Variants in TRABD2B observed in about 807,000 individuals in gnomAD.
The protein encoded by TRABD2B is TraB domain containing 2B.
TRABD2B carries 14 observed loss-of-function variants against 40.1 expected under a neutral mutation model. That is an observed-to-expected ratio of 0.35 (90% CI 0.23 to 0.55). TRABD2B has a LOEUF of 0.55. TRABD2B is among the 20% of genes least tolerant of loss of function. TRABD2B has a pLI of 0.90. For synonymous variants in TRABD2B, 263 were observed against 277.0 expected, an observed-to-expected ratio of 0.95 and a Z score of 0.50; for missense variants, 541 against 648.6, an observed-to-expected ratio of 0.83 and a Z score of 1.80.
intron 5 of TRABD2B, among the ~76,000 whole-genome samples, chr1:47,776,673 G>A (rs1644451721): frequency 6.6e-6 from 1 of 152,202 alleles, no homozygotes; most frequent in Non-Finnish European, 1.5e-5. Context: ...GGTTGGGAAT[G>A]GTTTCAGGAA....
At position 47,867,725 on chromosome 1, in the gene TRABD2B, T is replaced by C. The variant is rs150315434; in HGVS notation, c.667-66106A>G. The stretch of plus-strand genomic sequence containing the variant: ...CGTCCTTTATGAGAAAAAAAAATGA[T>C]GCACTCACTAATCTCTTCATTCACT... On this transcript the variant is annotated intron_variant, in intron 2 of 6. Coordinates refer to ENST00000606738, the MANE Select transcript of TRABD2B (RefSeq NM_001194986.2). Among the ~76,000 whole-genome samples the C allele has an allele frequency of 1.7e-4, 26 of 152,250 alleles. 1 individual carries two copies. Among genetic ancestry groups the C allele is most frequent in the Middle Eastern group, 3.4e-3 (1 of 294 alleles).
At chr1:47,951,973 C>T (rs777020796) in intron 2 of TRABD2B, among the ~76,000 whole-genome samples, 5 of 152,212 alleles carry the variant, frequency 3.3e-5, no homozygotes, top group South Asian at 2.1e-4. Flanking sequence ...TTGCCTGATC[C>T]CATAGGAGCT....
At chr1:47,940,716 G>A (rs939823981) in intron 2 of TRABD2B, among the ~76,000 whole-genome samples, 4 of 152,178 alleles carry the variant, frequency 2.6e-5, no homozygotes, top group African/African-American at 7.2e-5. Flanking sequence ...ATCCAGCTTC[G>A]ACCTGAGTCA....
intron 3 of TRABD2B, among the ~76,000 whole-genome samples, chr1:47,796,760 G>A (rs1644754071): frequency 6.6e-6 from 1 of 152,194 alleles, no homozygotes; most frequent in Non-Finnish European, 1.5e-5. Context: ...CCCAATCAGA[G>A]TTGGCAATGG....
At chr1:47,859,785 C>T (rs76746149) in intron 2 of TRABD2B, among the ~76,000 whole-genome samples, 3,591 of 152,302 alleles carry the variant, frequency 0.024, 113 homozygotes, top group Admixed American at 0.094. Flanking sequence ...TAGCACCTTC[C>T]AGCCTTGGCA....
At chr1:47,848,258 T>C (rs1158743643) in intron 2 of TRABD2B, among the ~76,000 whole-genome samples, 1 of 152,204 alleles carries the variant, frequency 6.6e-6, no homozygotes, top group East Asian at 1.9e-4. Context: ...ACCCCCAATT[T>C]TAGGTGTGAT....
chr1:47,959,648 C>A (rs1444957955), intron 2 of TRABD2B, among the ~76,000 whole-genome samples: 1 of 152,120 alleles, frequency 6.6e-6, no homozygotes, highest in Non-Finnish European at 1.5e-5. Flanking sequence ...TACACCCTCC[C>A]AAGACTAAAC....
chr1:47,853,812 C>T (rs1300676772), intron 2 of TRABD2B, among the ~76,000 whole-genome samples: 1 of 152,232 alleles, frequency 6.6e-6, no homozygotes, highest in Non-Finnish European at 1.5e-5. Flanking sequence ...AGACTTCTAA[C>T]TGGGGTCTCT....
At chr1:47,847,260 C>A (rs1645484763) in intron 2 of TRABD2B, among the ~76,000 whole-genome samples, 1 of 152,118 alleles carries the variant, frequency 6.6e-6, no homozygotes, top group Non-Finnish European at 1.5e-5. Flanking sequence ...GTAAAATGGA[C>A]TTATCTTCCA....
chr1:47,926,098 G>A (rs929948514), intron 2 of TRABD2B, among the ~76,000 whole-genome samples: 1 of 152,208 alleles, frequency 6.6e-6, no homozygotes, highest in African/African-American at 2.4e-5. Context: ...ACAGTATCAA[G>A]TGACTTTGCT....
At chr1:47,768,118 A>C (rs1644329612) in intron 6 of TRABD2B, among the ~76,000 whole-genome samples, 2 of 152,164 alleles carry the variant, frequency 1.3e-5, no homozygotes, top group Non-Finnish European at 2.9e-5. Flanking sequence ...TCACTGCCCC[A>C]TCCCTCTCTC....
chr1:47,953,013 G>C (rs1229681672), intron 2 of TRABD2B, among the ~76,000 whole-genome samples: 1 of 152,196 alleles, frequency 6.6e-6, no homozygotes, highest in Non-Finnish European at 1.5e-5. Flanking sequence ...CTGGCCCCAG[G>C]TTCTGGTCCA....
At chr1:47,979,237 T>C (rs569378518) in intron 2 of TRABD2B, among the ~76,000 whole-genome samples, 1 of 152,154 alleles carries the variant, frequency 6.6e-6, no homozygotes, top group Non-Finnish European at 1.5e-5. Flanking sequence ...GGCGATGATG[T>C]GTAGACATGG....
At chr1:47,847,869 C>A (rs1397666084) in intron 2 of TRABD2B, among the ~76,000 whole-genome samples, 1 of 152,168 alleles carries the variant, frequency 6.6e-6, no homozygotes, top group Non-Finnish European at 1.5e-5. Flanking sequence ...GCTTTGATAG[C>A]GCCTCATTAC....
chr1:47,775,061 T>G, intron 6 of TRABD2B, 109 bp downstream of exon 6: 1 of 1,108,334 alleles, frequency 9.0e-7, no homozygotes, highest in Non-Finnish European at 1.1e-6. Context: ...CACACTTCCT[T>G]AGAGCAGGGC....
rs544926486 is a variant in TRABD2B at position 47,777,064 on chromosome 1, G to A, written c.1079+1390C>T. 1.3e-3 allele frequency among the ~76,000 whole-genome samples: 197 copies of A among 152,282 alleles called. 1 individual carries two copies. Among genetic ancestry groups the A allele is most frequent in the African/African-American group, 4.4e-3 (184 of 41,544 alleles). ...GAGAGTCCTTGGAGCAGAGCCCATG[G>A]GGGAGCTGTGGAGGGCCCCCTCCCC... On this transcript the variant is annotated intron_variant, in intron 5 of 6. Coordinates refer to ENST00000606738, the MANE Select transcript of TRABD2B (RefSeq NM_001194986.2).
At chr1:47,769,604 C>A (rs532874796) in intron 6 of TRABD2B, among the ~76,000 whole-genome samples, 1 of 152,194 alleles carries the variant, frequency 6.6e-6, no homozygotes, top group South Asian at 2.1e-4. Flanking sequence ...CAGTCCAGAT[C>A]CCCACCCCTT....
At chr1:47,898,214 C>G (rs565300763) in intron 2 of TRABD2B, among the ~76,000 whole-genome samples, 1 of 152,186 alleles carries the variant, frequency 6.6e-6, no homozygotes, top group African/African-American at 2.4e-5. Flanking sequence ...AAGGCTGGAA[C>G]CCTGAGCCCT....
At chr1:47,793,361 C>T (rs1034528955) in intron 4 of TRABD2B, among the ~76,000 whole-genome samples, 3 of 152,254 alleles carry the variant, frequency 2.0e-5, no homozygotes, top group African/African-American at 7.2e-5. Flanking sequence ...CTTCTGAGCC[C>T]CTCCCCTGTG....
Sources: gnomAD v4.1 joint callset for allele counts (sites outside exome capture counted in the v4.1 genomes callset) on GRCh38, gnomAD v4.1.1 for gene constraint, MANE v1.5 for transcripts, NCBI Gene and HGNC (gene_info 2026-07-23, HGNC 2026-07-21) for gene names.